DMRTB1: variants seen among roughly 807,000 people sequenced by gnomAD.
DMRTB1 encodes the protein doublesex- and mab-3-related transcription factor B1.
In DMRTB1, 9 loss-of-function variants were observed where a neutral mutation model predicts 25.2. That is an observed-to-expected ratio of 0.36 (90% CI 0.22 to 0.62). DMRTB1 has a LOEUF of 0.62. Ranked by LOEUF, DMRTB1 falls within the 20% of genes least tolerant of loss-of-function variation. The pLI is 0.71. For missense variants in DMRTB1, 551 were observed against 499.3 expected, an observed-to-expected ratio of 1.10 and a Z score of -0.99; for synonymous variants, 269 against 238.1, an observed-to-expected ratio of 1.13 and a Z score of -1.20.
At position 53,467,072 on chromosome 1, in the gene DMRTB1, C is replaced by T. The variant is rs371048640; in HGVS notation, c.*410C>T. The T allele has an allele frequency of 7.4e-4, 126 of 170,512 alleles. No individual in the cohort carries two copies. The East Asian group carries it at 0.014, about 19-fold the overall frequency. The allele number at this position is 170,512 out of a possible 1,614,324, so 10.6% of individuals were successfully genotyped here. On this transcript the variant is annotated 3_prime_UTR_variant, in exon 4 of 4. Transcript: ENST00000371445. Reference sequence around the variant, plus strand: ...TGCCTTTGCCTGGTCCTCCAGGTTGCTGGGGGCACCACAGACATCAAGATT... The same window carrying T: ...TGCCTTTGCCTGGTCCTCCAGGTTGTTGGGGGCACCACAGACATCAAGATT...
At chr1:53,466,497 A>T in intron 3 of DMRTB1, 98 bp from the exon 4 acceptor site, 1 of 1,278,224 alleles carries the variant, frequency 7.8e-7, no homozygotes, top group Non-Finnish European at 1.1e-6. Flanking sequence ...TCTCAAAAAA[A>T]TTAAAATAAA....
rs1644054783 is a variant in DMRTB1, at chr1:53,467,076, G to A, written c.*414G>A. On this transcript the variant is annotated 3_prime_UTR_variant, in exon 4 of 4. Transcript: ENST00000371445. ...TTTGCCTGGTCCTCCAGGTTGCTGGGGGCACCACAGACATCAAGATTCCAG... is the reference window on the plus strand; with the variant it reads ...TTTGCCTGGTCCTCCAGGTTGCTGGAGGCACCACAGACATCAAGATTCCAG... 5.9e-6 allele frequency: 1 copy of A among 168,910 alleles called. No individual in the cohort carries two copies. 10.5% of individuals were successfully genotyped at this position (168,910 alleles called of 1,614,324 possible). A position where few individuals can be genotyped will look rare whatever the true frequency, so the allele number is the denominator to read the frequency against.
chr1:53,460,663 C>T (rs577968159), intron 1 of DMRTB1: 1 of 152,498 alleles, frequency 6.6e-6, no homozygotes, highest in East Asian at 1.9e-4. Context: ...TACATTGTTC[C>T]CTGTGCCTTG....
At chr1:53,463,868 T>G (rs188921394) in intron 2 of DMRTB1, among the ~76,000 whole-genome samples, 5 of 152,288 alleles carry the variant, frequency 3.3e-5, no homozygotes, top group African/African-American at 4.8e-5. Context: ...TCTTACGACA[T>G]TTGTGTGTTT....
At chr1:53,463,877 T>G (rs1401789712) in intron 2 of DMRTB1, among the ~76,000 whole-genome samples, 1 of 152,206 alleles carries the variant, frequency 6.6e-6, no homozygotes, top group Non-Finnish European at 1.5e-5. Flanking sequence ...ATTTGTGTGT[T>G]TCTTGGTTAA....
In DMRTB1 at chr1:53,461,486, C is replaced by T; in HGVS notation, c.591C>T (p.Asn197=). 1 of 1,595,086 alleles carries T rather than the reference C, an allele frequency of 6.3e-7. No homozygotes were observed. The highest frequency in any genetic ancestry group is 8.5e-7 in the Non-Finnish European group (1 of 1,170,578). Residue 197 remains asparagine (N), a synonymous_variant, in exon 2 of 4, where the codon AAC becomes AAT. Coordinates refer to ENST00000371445, the MANE Select transcript of DMRTB1 (RefSeq NM_033067.3). ...TGCGTTCTTTAGTGCGCCCTCTGAA[C>T]ATCAACCCGGACCGTGCACTGGGCC... ...PLFTDFVRPL[N]INPDRALGPE...
rs1462664984 is a variant in DMRTB1 at position 53,459,794 on chromosome 1, G to T, written c.341G>T (p.Arg114Leu). 4 of 1,408,992 alleles carry T rather than the reference G, an allele frequency of 2.8e-6. No homozygotes were observed. The highest frequency in any genetic ancestry group is 3.7e-6 in the Non-Finnish European group (4 of 1,086,290). 87.3% of individuals were successfully genotyped at this position (1,408,992 alleles called of 1,614,324 possible). A position where few individuals can be genotyped will look rare whatever the true frequency, so the allele number is the denominator to read the frequency against. ...SGDADPGPEG[R>L]AAACFFEQPP... ...GACGCCGACCCGGGACCCGAGGGCC[G>T]CGCGGCCGCTTGCTTCTTCGAGCAG... The change falls in exon 1 of 4, where the codon CGC becomes CTC. Residue 114 changes from arginine (R) to leucine (L), a missense_variant. By Grantham distance (102) the Arg-to-Leu change is moderately radical. Transcript: ENST00000371445.
chr1:53,464,447 T>TGCCTTCTTG (rs1644039245), intron 2 of DMRTB1, among the ~76,000 whole-genome samples, 190 bp from the exon 3 acceptor site: 1 of 152,174 alleles, frequency 6.6e-6, no homozygotes, highest in Admixed American at 6.5e-5. Flanking sequence ...TTGCCTGTGT[T>TGCCTTCTTG]CCTTCTTGCC....
Position 53,459,848 on chromosome 1 carries a change from G to A in DMRTB1, c.395G>A (p.Arg132Lys), listed in dbSNP as rs766012390. The change falls in exon 1 of 4, where the codon AGA becomes AAA. Residue 132 changes from arginine (R) to lysine (K), a missense_variant. Physicochemically the swap from Arg to Lys is conservative, Grantham distance 26. Coordinates refer to ENST00000371445, the MANE Select transcript of DMRTB1 (RefSeq NM_033067.3). ...QPPRGRNPGPRALQPVLGGRS... is the reference protein window; with the variant it reads ...QPPRGRNPGPKALQPVLGGRS... ...CCGCGGGGCCGGAACCCCGGCCCGA[G>A]AGCCCTCCAGCCGGTTCTGGGCGGC... is the stretch of plus-strand genomic sequence containing the variant. 5.4e-6 allele frequency: 8 copies of A among 1,487,528 alleles called. No homozygotes were observed. The highest frequency in any genetic ancestry group is 6.2e-6 in the Non-Finnish European group (7 of 1,127,606). The allele number at this position is 1,487,528 out of a possible 1,614,324, so 92.1% of individuals were successfully genotyped here.
chr1:53,464,860 C>T lies in DMRTB1; in HGVS notation c.961+13C>T. 1.2e-6 allele frequency: 2 copies of T among 1,613,668 alleles called. No individual in the cohort carries two copies. Among genetic ancestry groups the T allele is most frequent in the East Asian group, 2.2e-5 (1 of 44,878 alleles). On this transcript the variant is annotated intron_variant, in intron 3 of 3. Transcript: ENST00000371445. ...AAGGAGAACACTGGTGAGTGAGCTC[C>T]AGTCTTCCAGCTTCAGCGAGAGCCA...
At chr1:53,466,554 T>C (rs1178816954) in intron 3 of DMRTB1, 41 bp from the exon 4 acceptor site, 5 of 1,575,686 alleles carry the variant, frequency 3.2e-6, no homozygotes, top group Non-Finnish European at 4.3e-6. Flanking sequence ...GTTGTAATTT[T>C]CGCTCTTTCT....
chr1:53,463,750 CT>C (rs1377080312), intron 2 of DMRTB1, among the ~76,000 whole-genome samples: 1 of 152,208 alleles, frequency 6.6e-6, no homozygotes, highest in Non-Finnish European at 1.5e-5. Context: ...CTAAAAAATA[CT>C]TTGTAGGACA....
In DMRTB1 at chr1:53,459,615, G is replaced by A. The variant is rs780194712; in HGVS notation, c.162G>A (p.Lys54=). The A allele has an allele frequency of 5.6e-5, 88 of 1,581,280 alleles. No individual in the cohort carries two copies. Among genetic ancestry groups the A allele is most frequent in the Middle Eastern group, 1.8e-4 (1 of 5,582 alleles). Residue 54 remains lysine (K), a synonymous_variant, in exon 1 of 4, where the codon AAG becomes AAA. Transcript: ENST00000371445. ...SERQKIMAAQ[K]VLKTQAAEEE... ...GCCAGAAGATCATGGCCGCGCAGAA[G>A]GTGCTCAAGACGCAGGCCGCCGAGG... is the stretch of plus-strand genomic sequence containing the variant.
At chr1:53,464,341 C>T (rs1436511012) in intron 2 of DMRTB1, among the ~76,000 whole-genome samples, 5 of 152,202 alleles carry the variant, frequency 3.3e-5, no homozygotes, top group African/African-American at 7.2e-5. Context: ...TAGAACCCAC[C>T]GCCTAGGATT....
chr1:53,463,067 C>T (rs911534363), intron 2 of DMRTB1, among the ~76,000 whole-genome samples: 6 of 152,184 alleles, frequency 3.9e-5, no homozygotes, highest in Non-Finnish European at 7.3e-5. Context: ...CACCACAGGC[C>T]CCAGGCAGGA....
At position 53,459,766 on chromosome 1, in the gene DMRTB1, G is replaced by A. The variant is rs777072132; in HGVS notation, c.313G>A (p.Gly105Arg). 99 of 1,374,246 alleles carry A rather than the reference G, an allele frequency of 7.2e-5. 1 individual carries two copies. The South Asian group carries it at 1.5e-3, about 20-fold the overall frequency. 85.1% of individuals were successfully genotyped at this position (1,374,246 alleles called of 1,614,324 possible). A position where few individuals can be genotyped will look rare whatever the true frequency, so the allele number is the denominator to read the frequency against. The change falls in exon 1 of 4, where the codon GGA becomes AGA. Residue 105 changes from glycine to arginine, a missense_variant. By Grantham distance (125) the Gly-to-Arg change is moderately radical. Coordinates refer to ENST00000371445, the MANE Select transcript of DMRTB1 (RefSeq NM_033067.3). ...CCCGCTGTCCCCGGGGACTCCCTCCGGAGACGCCGACCCGGGACCCGAGGG... is the reference window on the plus strand; with the variant it reads ...CCCGCTGTCCCCGGGGACTCCCTCCAGAGACGCCGACCCGGGACCCGAGGG... ...LRPLSPGTPS[G>R]DADPGPEGRA...
At chr1:53,461,069 C>T (rs1363993379) in intron 1 of DMRTB1, among the ~76,000 whole-genome samples, 1 of 152,206 alleles carries the variant, frequency 6.6e-6, no homozygotes, top group Non-Finnish European at 1.5e-5. Flanking sequence ...ATTTCTTGCC[C>T]TCAAGGACCT....
rs1644052967 is a variant in DMRTB1, at chr1:53,466,812, G to A, written c.*150G>A. ...CCAGTTTAAGATAGGAGGAAGGAGA[G>A]CAATTTCTAAGTTTCAATCCTGCGC... On this transcript the variant is annotated 3_prime_UTR_variant, in exon 4 of 4. Coordinates refer to ENST00000371445, the MANE Select transcript of DMRTB1 (RefSeq NM_033067.3). The A allele has an allele frequency of 2.5e-6, 2 of 785,156 alleles. No homozygotes were observed. 48.6% of individuals were successfully genotyped at this position (785,156 alleles called of 1,614,324 possible). A position where few individuals can be genotyped will look rare whatever the true frequency, so the allele number is the denominator to read the frequency against.
rs758295903 is a variant in DMRTB1 at position 53,464,705 on chromosome 1, C to CCTTCCACCG, written c.830_838dup (p.Leu277_Pro279dup). On this transcript the variant is annotated inframe_insertion, in exon 3 of 4. Coordinates refer to ENST00000371445, the MANE Select transcript of DMRTB1 (RefSeq NM_033067.3). ...CGCCGCCGCCGCCGCCACTGCCGCC[C>CCTTCCACCG]CTTCCACCGCTTCCACCGCAGCCCC... 56 of 1,613,508 alleles carry CCTTCCACCG rather than the reference C, an allele frequency of 3.5e-5. No individual in the cohort carries two copies. The highest frequency in any genetic ancestry group is 8.0e-5 in the African/African-American group (6 of 74,856).
Sources: allele counts gnomAD v4.1 joint callset (sites outside exome capture counted in the v4.1 genomes callset), GRCh38; gene constraint gnomAD v4.1.1; transcripts MANE v1.5; gene names NCBI Gene and HGNC (gene_info 2026-07-23, HGNC 2026-07-21).